GRIN2B: variants seen among roughly 807,000 people sequenced by gnomAD.
The protein encoded by GRIN2B is glutamate receptor ionotropic, NMDA 2B.
GRIN2B carries 5 observed loss-of-function variants against 114.5 expected under a neutral mutation model. The ratio of observed to expected loss-of-function variants is 0.04; its 90% CI spans 0.02 to 0.09. GRIN2B has a LOEUF of 0.09. Among genes scored for constraint, GRIN2B ranks in the 10% least tolerant of loss-of-function variants. The probability of loss-of-function intolerance (pLI) is 1.00; values close to 1 mark genes in which losing one functional copy is unlikely to be tolerated. For missense variants in GRIN2B, 1,108 were observed against 1,943.5 expected (o/e 0.57, Z 8.08); for synonymous variants, 787 against 745.1 (o/e 1.06, Z -0.92).
rs527758031 is a variant in GRIN2B, at chr12:13,620,894, T to G, written c.1126-4237A>C. Among the ~76,000 whole-genome samples, 29 of 144,524 alleles carry G rather than the reference T, an allele frequency of 2.0e-4. No homozygotes were observed. In the East Asian group the frequency reaches 3.5e-3, roughly 17 times the overall value. The allele number at this position is 144,524 out of a possible 152,430, so 94.8% of individuals were successfully genotyped here. Reference sequence around the variant, plus strand: ...TTTTTTTTTCGTTTCTTCAAGGAAATGAAAAAAAAATAAGAGGGAAAGTTA... The same window carrying G: ...TTTTTTTTTCGTTTCTTCAAGGAAAGGAAAAAAAAATAAGAGGGAAAGTTA... On this transcript the variant is annotated intron_variant, in intron 5 of 13. Transcript: ENST00000609686.
At chr12:13,591,810 G>T (rs1213367832) in intron 10 of GRIN2B, among the ~76,000 whole-genome samples, 1 of 152,146 alleles carries the variant, frequency 6.6e-6, no homozygotes, top group African/African-American at 2.4e-5. Context: ...TCAATAGGCA[G>T]ACTCCAACCT....
At chr12:13,939,834 G>A (rs1452961240) in intron 2 of GRIN2B, among the ~76,000 whole-genome samples, 2 of 152,052 alleles carry the variant, frequency 1.3e-5, no homozygotes, top group Non-Finnish European at 1.5e-5. Context: ...CCAGTCTCAG[G>A]TCGTTTATAA....
chr12:13,961,309 G>A (rs1242369052), intron 2 of GRIN2B, among the ~76,000 whole-genome samples: 1 of 152,030 alleles, frequency 6.6e-6, no homozygotes, highest in Non-Finnish European at 1.5e-5. Flanking sequence ...GTGAAGTGGA[G>A]GAAGCAAAGC....
chr12:13,916,743 G>GCACAAA (rs1866736712), intron 2 of GRIN2B, among the ~76,000 whole-genome samples: 1 of 147,086 alleles, frequency 6.8e-6, no homozygotes, highest in Non-Finnish European at 1.5e-5. Flanking sequence ...ACATTTGTGT[G>GCACAAA]TGTGTGTGTG....
chr12:13,842,606 T>G (rs748382399), intron 3 of GRIN2B, among the ~76,000 whole-genome samples: 5 of 152,226 alleles, frequency 3.3e-5, no homozygotes, highest in Non-Finnish European at 7.3e-5. Context: ...TAAAGGATGT[T>G]CTGAATGAGT....
At chr12:13,734,581 A>AC (rs1227701162) in intron 4 of GRIN2B, among the ~76,000 whole-genome samples, 1 of 152,082 alleles carries the variant, frequency 6.6e-6, no homozygotes, top group East Asian at 1.9e-4. Flanking sequence ...ACGTGCACAA[A>AC]CCCCACCTTT....
chr12:13,641,860 A>T (rs577877575), intron 5 of GRIN2B, among the ~76,000 whole-genome samples: 64 of 152,152 alleles, frequency 4.2e-4, no homozygotes, highest in Non-Finnish European at 7.1e-4. Context: ...ATTTCTATAC[A>T]AGTGAAATTT....
intron 3 of GRIN2B, among the ~76,000 whole-genome samples, chr12:13,802,763 G>A (rs1033049923): frequency 2.0e-5 from 3 of 152,118 alleles, no homozygotes; most frequent in Non-Finnish European, 2.9e-5. Context: ...ATTGCACATT[G>A]AGAGATGTTC....
intron 3 of GRIN2B, among the ~76,000 whole-genome samples, chr12:13,859,799 TA>T (rs1184530920): frequency 1.3e-5 from 2 of 152,218 alleles, no homozygotes; most frequent in Non-Finnish European, 2.9e-5. Flanking sequence ...GCATAAGAAT[TA>T]AAATGCTCAT....
At chr12:13,971,342 T>A (rs1862908430) in intron 2 of GRIN2B, among the ~76,000 whole-genome samples, 1 of 152,212 alleles carries the variant, frequency 6.6e-6, no homozygotes. Context: ...TTTTCTTGCC[T>A]CTGTACATTT....
At chr12:13,633,221 G>A (rs1030549075) in intron 5 of GRIN2B, among the ~76,000 whole-genome samples, 6 of 152,192 alleles carry the variant, frequency 3.9e-5, no homozygotes, top group African/African-American at 1.4e-4. Context: ...ACCAGTGAAG[G>A]TCAAAGTGTG....
chr12:13,889,253 C>A (rs79394981), intron 2 of GRIN2B, among the ~76,000 whole-genome samples: 1 of 152,132 alleles, frequency 6.6e-6, no homozygotes, highest in Non-Finnish European at 1.5e-5. Flanking sequence ...ATGGGACCAC[C>A]GTCAAATATG....
At chr12:13,679,429 T>C (rs1301700610) in intron 4 of GRIN2B, among the ~76,000 whole-genome samples, 5 of 152,212 alleles carry the variant, frequency 3.3e-5, no homozygotes, top group East Asian at 1.9e-4. Context: ...CTATTCCTGT[T>C]CCAGCGCCTT....
intron 2 of GRIN2B, among the ~76,000 whole-genome samples, chr12:13,903,984 T>C (rs1866499120): frequency 6.6e-6 from 1 of 152,066 alleles, no homozygotes; most frequent in Non-Finnish European, 1.5e-5. Context: ...AATATAGGTA[T>C]ATTAGTGTTA....
intron 4 of GRIN2B, among the ~76,000 whole-genome samples, chr12:13,709,429 T>C (rs1415403940): frequency 1.3e-5 from 2 of 151,968 alleles, no homozygotes; most frequent in African/African-American, 2.4e-5. Flanking sequence ...ATCATGAACA[T>C]GCTTTCAACA....
At position 13,921,681 on chromosome 12, in the gene GRIN2B, C is replaced by T. The variant is rs546947978; in HGVS notation, c.-18-55455G>A. 3.9e-5 allele frequency among the ~76,000 whole-genome samples: 6 copies of T among 152,212 alleles called. No homozygotes were observed. The South Asian group carries it at 1.2e-3, about 32-fold the overall frequency. On this transcript the variant is annotated intron_variant, in intron 2 of 13. Coordinates refer to ENST00000609686, the MANE Select transcript of GRIN2B (RefSeq NM_000834.5). The stretch of plus-strand genomic sequence containing the variant: ...AAGTCTGTACATTCTCTGTGAACAG[C>T]AAGTCAGGTTCAATGAAGTCAGAGT...
chr12:13,965,756 T>G (rs1482120743), intron 2 of GRIN2B, among the ~76,000 whole-genome samples: 1 of 152,238 alleles, frequency 6.6e-6, no homozygotes, highest in African/African-American at 2.4e-5. Flanking sequence ...AATGATATGC[T>G]TTATTGTGGA....
intron 2 of GRIN2B, among the ~76,000 whole-genome samples, chr12:13,965,557 CCACACACACA>C (rs138577851): frequency 2.7e-5 from 4 of 150,176 alleles, no homozygotes; most frequent in African/African-American, 9.8e-5. Flanking sequence ...AGATTACACA[CCACACACACA>C]CACACACACA....
At chr12:13,616,400 G>C (rs1012711728) in intron 6 of GRIN2B, 55 bp downstream of exon 6, 2 of 1,263,746 alleles carry the variant, frequency 1.6e-6, no homozygotes, top group African/African-American at 1.5e-5. Flanking sequence ...GTGCTAACAG[G>C]TGCATCAAAG....
Sources: gnomAD v4.1 joint callset for allele counts (sites outside exome capture counted in the v4.1 genomes callset) on GRCh38, gnomAD v4.1.1 for gene constraint, MANE v1.5 for transcripts, NCBI Gene and HGNC (gene_info 2026-07-23, HGNC 2026-07-21) for gene names.